Variants in AIRE observed in about 807,000 individuals in gnomAD.
AIRE encodes autoimmune polyendocrinopathy candidiasis ectodermal dystrophy protein.
A neutral mutation model predicts 62.1 loss-of-function variants in AIRE; 52 were observed. The observed-to-expected ratio is 0.84, with a 90% CI of 0.67 to 1.06. The LOEUF is 1.06. AIRE is among the 50% of genes least tolerant of loss of function. The pLI, the probability that AIRE is intolerant of heterozygous loss-of-function variation, is 0.00. For synonymous variants in AIRE, 342 were observed against 321.6 expected (o/e 1.06, Z -0.68); for missense variants, 774 against 755.8 (o/e 1.02, Z -0.28).
Position 44,288,128 on chromosome 21 carries a change from A to T in AIRE, c.539-217A>T, listed in dbSNP as rs1490892884. On this transcript the variant is annotated intron_variant, in intron 4 of 13. Coordinates refer to ENST00000291582, the MANE Select transcript of AIRE (RefSeq NM_000383.4). Reference sequence around the variant, plus strand: ...TCTGCTGACACTGCCACCCCCCAGCACACGCACACTTGGGTGCACACACGA... The same window carrying T: ...TCTGCTGACACTGCCACCCCCCAGCTCACGCACACTTGGGTGCACACACGA... Among the ~76,000 whole-genome samples the T allele has an allele frequency of 2.0e-5, 3 of 152,062 alleles. No individual in the cohort carries two copies. The East Asian group carries it at 5.8e-4, about 29-fold the overall frequency.
At position 44,293,124 on chromosome 21, in the gene AIRE, G is replaced by A. The variant is rs762289753; in HGVS notation, c.1227G>A (p.Leu409=). ...CTTCTGCAGCCCCGCTGCCAGGGCTGGACTCCTCGGCCCTGCACCCCCTAC... is the reference window on the plus strand; with the variant it reads ...CTTCTGCAGCCCCGCTGCCAGGGCTAGACTCCTCGGCCCTGCACCCCCTAC... ...APPSAAPLPG[L]DSSALHPLLC... is the part of the protein sequence containing the mutation. Residue 409 remains leucine, a synonymous_variant, in exon 10 of 14, where the codon CTG becomes CTA. Coordinates refer to ENST00000291582, the MANE Select transcript of AIRE (RefSeq NM_000383.4). 17 of 1,597,184 alleles carry A rather than the reference G, an allele frequency of 1.1e-5. No homozygotes were observed. Among genetic ancestry groups the A allele is most frequent in the Non-Finnish European group, 1.4e-5 (17 of 1,172,772 alleles).
At chr21:44,294,332 C>T (rs2040582881) in intron 11 of AIRE, 69 bp from the exon 12 acceptor site, 4 of 1,044,540 alleles carry the variant, frequency 3.8e-6, no homozygotes, top group African/African-American at 1.6e-5. Context: ...CCACACCCCA[C>T]ACCCCATACC....
intron 13 of AIRE, 32 bp downstream of exon 13, chr21:44,296,477 C>T (rs765983879): frequency 6.3e-7 from 1 of 1,590,918 alleles, no homozygotes; most frequent in Non-Finnish European, 8.6e-7. Context: ...TGGTGCTCCT[C>T]CACTCCCCCT....
intron 7 of AIRE, 49 bp downstream of exon 7, chr21:44,290,117 C>A: frequency 6.3e-7 from 1 of 1,581,530 alleles, no homozygotes; most frequent in East Asian, 2.3e-5. Context: ...TTGCTCCCCT[C>A]GGGTGGGTCC....
At chr21:44,290,647 T>G in intron 7 of AIRE, 1 of 1,113,656 alleles carries the variant, frequency 9.0e-7, no homozygotes, top group Non-Finnish European at 1.2e-6. Flanking sequence ...TCTGGGGGGA[T>G]TCTGGAGGAA....
In AIRE at chr21:44,288,477, A is replaced by C; in HGVS notation, c.652+19A>C. 2.6e-6 allele frequency: 4 copies of C among 1,544,650 alleles called. No individual in the cohort carries two copies. The highest frequency in any genetic ancestry group is 3.6e-6 in the Non-Finnish European group (4 of 1,119,748). ...GAGTCAGGTAGACGCTGTGGCGGGG[A>C]GATGGGGCTGATGGGGAGACCCAGG... On this transcript the variant is annotated intron_variant, in intron 5 of 13. Coordinates refer to ENST00000291582, the MANE Select transcript of AIRE (RefSeq NM_000383.4).
rs77222628 is a variant in AIRE, at chr21:44,295,387, C to T, written c.1503+884C>T. On this transcript the variant is annotated intron_variant, in intron 12 of 13. Coordinates refer to ENST00000291582, the MANE Select transcript of AIRE (RefSeq NM_000383.4). ...GCCTGGCATGGCACAAGCCTCAGAC[C>T]CAGCCCTGCCCTTGGGGCTTTTGTG... Among the ~76,000 whole-genome samples the T allele has an allele frequency of 8.2e-3, 1,245 of 152,330 alleles. 18 individuals are homozygous for T. The highest frequency in any genetic ancestry group is 0.028 in the African/African-American group (1,157 of 41,562).
At chr21:44,295,673 G>A (rs895632571) in intron 12 of AIRE, among the ~76,000 whole-genome samples, 3 of 152,156 alleles carry the variant, frequency 2.0e-5, no homozygotes, top group Non-Finnish European at 4.4e-5. Flanking sequence ...GTTCTGGCTG[G>A]CCTTGGCCTC....
chr21:44,287,382 A>G lies in AIRE; in HGVS notation c.464-135A>G. 1.4e-6 allele frequency: 1 copy of G among 729,902 alleles called. No homozygotes were observed. The highest frequency in any genetic ancestry group is 1.7e-5 in the South Asian group (1 of 57,340). The allele number at this position is 729,902 out of a possible 1,614,324, so 45.2% of individuals were successfully genotyped here. On this transcript the variant is annotated intron_variant, in intron 3 of 13. Coordinates refer to ENST00000291582, the MANE Select transcript of AIRE (RefSeq NM_000383.4). This position sits in a 1 kb window ranked among gnomAD's most constrained non-coding sequence, Gnocchi z 4.3. ...GGGTCTCATTTCCCTTTTACTGATG[A>G]GAAACCAGAGCCCGGCAAAGGGACT...
intron 9 of AIRE, 99 bp from the exon 10 acceptor site, chr21:44,292,894 C>T (rs1412649106): frequency 1.7e-6 from 2 of 1,162,844 alleles, no homozygotes; most frequent in Non-Finnish European, 2.5e-6. Context: ...TCTGCCCCCA[C>T]CCTGCTGCCC....
chr21:44,295,686 C>A (rs1198786637), intron 12 of AIRE, among the ~76,000 whole-genome samples: 1 of 152,130 alleles, frequency 6.6e-6, no homozygotes, highest in South Asian at 2.1e-4. Flanking sequence ...TTGGCCTCCC[C>A]CCTCAGCCTG....
intron 11 of AIRE, among the ~76,000 whole-genome samples, 169 bp downstream of exon 11, chr21:44,294,079 A>G (rs1264496178): frequency 7.0e-5 from 8 of 114,630 alleles, no homozygotes; most frequent in Non-Finnish European, 1.4e-4. Flanking sequence ...CCCACACCCT[A>G]CACTCCACAG....
intron 12 of AIRE, among the ~76,000 whole-genome samples, chr21:44,296,040 G>A (rs1462482079): frequency 1.3e-5 from 2 of 152,174 alleles, no homozygotes; most frequent in African/African-American, 4.8e-5. Flanking sequence ...CGGGGGCGGG[G>A]GTGGCATGGA....
chr21:44,294,249 A>G, intron 11 of AIRE, 152 bp from the exon 12 acceptor site: 1 of 97,712 alleles, frequency 1.0e-5, no homozygotes. Context: ...CAAACCCACC[A>G]CTCCCACTCT....
At chr21:44,296,611 G>A (rs1432298097) in intron 13 of AIRE, among the ~76,000 whole-genome samples, 166 bp downstream of exon 13, 2 of 151,178 alleles carry the variant, frequency 1.3e-5, no homozygotes, top group Non-Finnish European at 3.0e-5. Flanking sequence ...GTGCTGCTGA[G>A]CACCTGGCAC....
rs1840871452 is a variant in AIRE, at chr21:44,293,055, C to CGGCATG, written c.1160_1165dup (p.Gly387_Met388dup). ...GAGGTCCACCTGGGGAACCCCTAGC[C>CGGCATG]GGCATGGACACGACTCTTGTCTACA... On this transcript the variant is annotated inframe_insertion, in exon 10 of 14. Transcript: ENST00000291582. 1 of 1,612,540 alleles carries CGGCATG rather than the reference C, an allele frequency of 6.2e-7. No individual in the cohort carries two copies.
chr21:44,289,952 G>T (rs1259734034), intron 6 of AIRE, 36 bp from the exon 7 acceptor site: 1 of 1,605,684 alleles, frequency 6.2e-7, no homozygotes, highest in Non-Finnish European at 8.5e-7. Context: ...TCGCTGCTGA[G>T]GCTGCCCCCA....
chr21:44,296,137 G>A (rs541509491), intron 12 of AIRE, among the ~76,000 whole-genome samples: 1 of 152,284 alleles, frequency 6.6e-6, no homozygotes, highest in South Asian at 2.1e-4. Flanking sequence ...TTTTCCCCAG[G>A]AGGCCACACA....
In AIRE at chr21:44,293,855, T is replaced by C. The variant is rs957681340; in HGVS notation, c.1345T>C (p.Cys449Arg). 10 of 1,596,718 alleles carry C rather than the reference T, an allele frequency of 6.3e-6. No individual in the cohort carries two copies. In the African/African-American group the frequency reaches 1.2e-4, roughly 19 times the overall value. Residue 449 changes from cysteine (C) to arginine (R), a missense_variant, in exon 11 of 14, where the codon TGC becomes CGC. Cys to Arg is a radical substitution (Grantham distance 180, BLOSUM62 -3). This residue lies in a region of AIRE where 354 missense variants were observed against 296.1 expected (regional missense o/e 1.20). Transcript: ENST00000291582. Reference sequence around the variant, plus strand: ...TACGGACGTGCTGCGGTGTACTCACTGCGCCGCTGCCTTCCACTGGCGCTG... The same window carrying C: ...TACGGACGTGCTGCGGTGTACTCACCGCGCCGCTGCCTTCCACTGGCGCTG... ...DGTDVLRCTH[C>R]AAAFHWRCHF...
Sources: allele counts gnomAD v4.1 joint callset (sites outside exome capture counted in the v4.1 genomes callset), GRCh38; gene constraint gnomAD v4.1.1; regional missense constraint gnomAD v4.1.1; non-coding constraint Gnocchi (gnomAD v3.1); transcripts MANE v1.5; gene names NCBI Gene and HGNC (gene_info 2026-07-23, HGNC 2026-07-21).